The following ULK4 variants were observed in gnomAD, a reference collection of about 807,000 sequenced individuals.
ULK4 encodes the protein inactive serine/threonine-protein kinase ULK4.
A neutral mutation model predicts 160.6 loss-of-function variants in ULK4; 133 were observed. The ratio of observed to expected loss-of-function variants is 0.83; its 90% confidence interval spans 0.72 to 0.96. ULK4 has a LOEUF of 0.96. Ranked by LOEUF, ULK4 falls within the 40% of genes least tolerant of loss-of-function variation. The pLI, the probability that ULK4 is intolerant of heterozygous loss-of-function variation, is 0.00. For missense variants in ULK4, 1,580 were observed against 1,499.5 expected, an observed-to-expected ratio of 1.05 and a Z score of -0.89; for synonymous variants, 534 against 539.8, an observed-to-expected ratio of 0.99 and a Z score of 0.15.
At chr3:41,403,649 A>AT (rs1241436136) in intron 34 of ULK4, among the ~76,000 whole-genome samples, 2 of 151,728 alleles carry the variant, frequency 1.3e-5, no homozygotes, top group Non-Finnish European at 2.9e-5. Flanking sequence ...TAGCTTTGCA[A>AT]TTTTTCTAGT....
intron 35 of ULK4, among the ~76,000 whole-genome samples, chr3:41,301,630 CATTTACTTTAATGCATTTT>C (rs1401995177): frequency 6.6e-6 from 1 of 152,166 alleles, no homozygotes; most frequent in Non-Finnish European, 1.5e-5. Context: ...TGAGGAAATG[CATTTACTTTAATGCATTTT>C]AAGTATCTTT....
intron 30 of ULK4, among the ~76,000 whole-genome samples, chr3:41,627,907 G>A (rs895302593): frequency 1.3e-5 from 2 of 152,124 alleles, no homozygotes. Flanking sequence ...AGGGTAAGGA[G>A]GACTACCAGG....
At chr3:41,787,694 C>A (rs73071354) in intron 21 of ULK4, among the ~76,000 whole-genome samples, 18,841 of 152,182 alleles carry the variant, frequency 0.12, 1,344 homozygotes, top group Middle Eastern at 0.27. Flanking sequence ...CTGTACACTT[C>A]AAAATGGTTA....
At chr3:41,885,160 T>C (rs1697675807) in intron 16 of ULK4, among the ~76,000 whole-genome samples, 1 of 152,158 alleles carries the variant, frequency 6.6e-6, no homozygotes, top group South Asian at 2.1e-4. Flanking sequence ...GTCTATCTCT[T>C]TTCAAAGACA....
At chr3:41,674,715 G>A (rs2035649603) in intron 29 of ULK4, among the ~76,000 whole-genome samples, 1 of 152,142 alleles carries the variant, frequency 6.6e-6, no homozygotes, top group Non-Finnish European at 1.5e-5. Context: ...CAAGCTGGTG[G>A]CAAAATATGA....
At chr3:41,951,184 GA>G (rs1700285096) in intron 2 of ULK4, among the ~76,000 whole-genome samples, 1 of 147,514 alleles carries the variant, frequency 6.8e-6, no homozygotes, top group Non-Finnish European at 1.5e-5. Flanking sequence ...AAATAAGTGG[GA>G]AAATATCACG....
chr3:41,437,881 T>G (rs2083072240), intron 34 of ULK4, among the ~76,000 whole-genome samples: 1 of 152,060 alleles, frequency 6.6e-6, no homozygotes, highest in Non-Finnish European at 1.5e-5. Context: ...TTTAGTCCTT[T>G]TAGAGCACCT....
rs375710097 is a variant in ULK4, at chr3:41,717,824, T to G, written c.2359A>C (p.Thr787Pro). The part of the protein sequence containing the change: ...MYIERDSRKT[T>P]PGKEQQSGNE... ...CCACTTTGCTGCTCCTTGCCTGGAG[T>G]GGTCTTTCTGCTGTCTCTCTCGATG... Residue 787 changes from threonine to proline, a missense_variant, in exon 23 of 37, where the codon ACT becomes CCT. Coordinates refer to ENST00000301831, the MANE Select transcript of ULK4 (RefSeq NM_017886.4). The G allele has an allele frequency of 6.2e-7, 1 of 1,614,004 alleles. No individual in the cohort carries two copies. The highest frequency in any genetic ancestry group is 1.3e-5 in the African/African-American group (1 of 74,992).
intron 23 of ULK4, 51 bp downstream of exon 23, chr3:41,717,677 C>G (rs1157840156): frequency 6.4e-7 from 1 of 1,564,990 alleles, no homozygotes; most frequent in Non-Finnish European, 8.7e-7. Context: ...AAAGCCAAGT[C>G]TTAGAAACGT....
intron 32 of ULK4, among the ~76,000 whole-genome samples, chr3:41,528,028 A>T (rs2086179305): frequency 6.6e-6 from 1 of 152,250 alleles, no homozygotes; most frequent in African/African-American, 2.4e-5. Context: ...ACAATTATCC[A>T]CTACAGAACT....
At position 41,889,181 on chromosome 3, in the gene ULK4, G is replaced by C. The variant is rs746542523; in HGVS notation, c.1578-5229C>G. 5.7e-4 allele frequency among the ~76,000 whole-genome samples: 87 copies of C among 151,926 alleles called. 1 individual carries two copies. Among genetic ancestry groups the C allele is most frequent in the Non-Finnish European group, 2.1e-4 (14 of 67,992 alleles). ...CTTTTTTTCAAAGTCCAGGTTCCAG[G>C]CTTATATTATATAATCCTAATGTTT... On this transcript the variant is annotated intron_variant, in intron 16 of 36. Coordinates refer to ENST00000301831, the MANE Select transcript of ULK4 (RefSeq NM_017886.4).
chr3:41,798,489 G>A (rs1174655837), intron 20 of ULK4, among the ~76,000 whole-genome samples: 6 of 152,034 alleles, frequency 3.9e-5, no homozygotes, highest in Non-Finnish European at 8.8e-5. Flanking sequence ...TGATAATCAG[G>A]GGCAGGATTT....
Position 41,721,255 on chromosome 3 carries a change from ATTTT to A in ULK4, c.2322-3398_2322-3395del, listed in dbSNP as rs67078042. ...GCAGATGAGAAATTTTTCGCTTTGA[ATTTT>A]TTTTTTTTTTTTTTTTTTTTTTTTT... On this transcript the variant is annotated intron_variant, in intron 22 of 36. Transcript: ENST00000301831. 1.0e-3 allele frequency among the ~76,000 whole-genome samples: 46 copies of A among 45,042 alleles called. 1 individual carries two copies. Among genetic ancestry groups the A allele is most frequent in the African/African-American group, 4.6e-3 (46 of 9,988 alleles). The allele number at this position is 45,042 out of a possible 152,430, so 29.5% of individuals were successfully genotyped here.
At chr3:41,663,474 A>G in intron 30 of ULK4, 133 bp downstream of exon 30, 1 of 776,946 alleles carries the variant, frequency 1.3e-6, no homozygotes. Flanking sequence ...CAATCCATGA[A>G]ACTTAAAAAA....
At chr3:41,765,324 C>G (rs895273787) in intron 21 of ULK4, among the ~76,000 whole-genome samples, 1 of 152,020 alleles carries the variant, frequency 6.6e-6, no homozygotes, top group Non-Finnish European at 1.5e-5. Flanking sequence ...AACCAAACAC[C>G]GCATGCTCTC....
At chr3:41,934,861 A>G (rs1283546988) in intron 4 of ULK4, among the ~76,000 whole-genome samples, 1 of 152,158 alleles carries the variant, frequency 6.6e-6, no homozygotes, top group Non-Finnish European at 1.5e-5. Flanking sequence ...TTAAGAGCTA[A>G]GAGGGCCTTA....
chr3:41,911,235 A>C, intron 11 of ULK4, 82 bp downstream of exon 11: 1 of 1,352,936 alleles, frequency 7.4e-7, no homozygotes, highest in South Asian at 1.3e-5. Flanking sequence ...TCTGTGTAAC[A>C]AAGTTTGCAC....
rs745783249 is a variant in ULK4 at position 41,249,379 on chromosome 3, G to A, written c.3764+110C>T. The A allele has an allele frequency of 8.1e-6, 8 of 985,474 alleles. No homozygotes were observed. The East Asian group carries it at 1.6e-4, about 20-fold the overall frequency. 61.0% of individuals were successfully genotyped at this position (985,474 alleles called of 1,614,324 possible). A position where few individuals can be genotyped will look rare whatever the true frequency, so the allele number is the denominator to read the frequency against. ...CTCAGTGGACAGTGATGGGCTGGAA[G>A]GTGGTAGTCCCTGGTGTGGAGGGAG... On this transcript the variant is annotated intron_variant, in intron 36 of 36. Transcript: ENST00000301831.
At chr3:41,932,317 TCA>T (rs1429412072) in intron 4 of ULK4, among the ~76,000 whole-genome samples, 2 of 152,208 alleles carry the variant, frequency 1.3e-5, no homozygotes, top group Non-Finnish European at 2.9e-5. Flanking sequence ...TTGCCAACTC[TCA>T]GTGTCAGCTA....
Sources: allele counts gnomAD v4.1 joint callset (sites outside exome capture counted in the v4.1 genomes callset), GRCh38; gene constraint gnomAD v4.1.1; transcripts MANE v1.5; gene names NCBI Gene and HGNC (gene_info 2026-07-23, HGNC 2026-07-21).